HLA-DQB2: variants seen among roughly 807,000 people sequenced by gnomAD.
The protein encoded by HLA-DQB2 is major histocompatibility complex, class II, DQ beta 2, also known as HLA class II histocompatibility antigen, DQ beta 2 chain.
HLA-DQB2 carries 24 observed loss-of-function variants against 29.2 expected under a neutral mutation model. The observed-to-expected ratio is 0.82, with a 90% confidence interval of 0.60 to 1.16. The LOEUF is 1.16. HLA-DQB2 is among the 50% of genes most tolerant of loss of function. HLA-DQB2 has a pLI of 0.00. For synonymous variants in HLA-DQB2, 104 were observed against 133.1 expected, an observed-to-expected ratio of 0.78 and a Z score of 1.51; for missense variants, 273 against 343.6, an observed-to-expected ratio of 0.79 and a Z score of 1.62.
rs73402866 is a variant in HLA-DQB2 at position 32,758,566 on chromosome 6, T to C, written c.646+284A>G. Among the ~76,000 whole-genome samples the C allele has an allele frequency of 3.0e-3, 452 of 152,330 alleles. 2 individuals carry two copies. Among genetic ancestry groups the C allele is most frequent in the African/African-American group, 0.01 (429 of 41,584 alleles). ...TTTATAGTGGAGTGAGAAGAGCCAA[T>C]TAAACCTCTTTTCTTTATAAATTAC... On this transcript the variant is annotated intron_variant, in intron 3 of 5. Coordinates refer to ENST00000437316, the MANE Select transcript of HLA-DQB2 (RefSeq NM_001300790.2).
Position 32,757,812 on chromosome 6 carries a change from G to T in HLA-DQB2, c.718C>A (p.Leu240Ile), listed in dbSNP as rs1318300708. 1 of 1,613,876 alleles carries T rather than the reference G, an allele frequency of 6.2e-7. No homozygotes were observed. Among genetic ancestry groups the T allele is most frequent in the South Asian group, 1.1e-5 (1 of 91,026 alleles). Residue 240 changes from leucine to isoleucine, a missense_variant, in exon 4 of 6, where the codon CTC becomes ATC. Physicochemically the swap from Leu to Ile is conservative, Grantham distance 5 (BLOSUM62 2). Coordinates refer to ENST00000437316, the MANE Select transcript of HLA-DQB2 (RefSeq NM_001300790.2). ...TGACGGATGATAAGGCCCAGCCCGA[G>T]GAAGATCAGCCCCAGCACGAAGCCT... ...IGGFVLGLIF[L>I]GLGLIIRHRG...
chr6:32,757,037 T>TTTTTA, intron 5 of HLA-DQB2: 1 of 1,380,584 alleles, frequency 7.2e-7, no homozygotes. Context: ...TTTTTTTTTT[T>TTTTTA]GAGACAGACT....
chr6:32,757,155 G>A (rs1205932067), intron 5 of HLA-DQB2, 126 bp downstream of exon 5: 3 of 1,493,818 alleles, frequency 2.0e-6, no homozygotes, highest in Admixed American at 4.0e-5. Context: ...AAGTAGCCGG[G>A]ATTACAGATG....
rs764317349 is a variant in HLA-DQB2 at position 32,761,917 on chromosome 6, A to G, written c.107T>C (p.Leu36Ser). Residue 36 changes from leucine (L) to serine (S), a missense_variant, in exon 2 of 6, where the codon TTG becomes TCG. Transcript: ENST00000437316. The part of the protein sequence containing the change: ...AEARDFPKDF[L>S]VQFKGMCYFT... ...GTAGCACATGCCCTTAAACTGGACC[A>G]AGAAATCCTCTGCGGAGAATCACGG... The G allele has an allele frequency of 5.0e-6, 8 of 1,610,658 alleles. No homozygotes were observed. Among genetic ancestry groups the G allele is most frequent in the Non-Finnish European group, 1.7e-6 (2 of 1,178,804 alleles).
rs762815 is a variant in HLA-DQB2, at chr6:32,761,865, G to A, written c.159C>T (p.Arg53=). ...GGTTATAGATGTATCTGGCCACACC[G>A]CGCACGCGCTCTGTCCCGTTGGTGA... The part of the protein sequence containing the change: ...CYFTNGTERV[R]GVARYIYNRE... Residue 53 remains arginine, a synonymous_variant, in exon 2 of 6, where the codon CGC becomes CGT. Coordinates refer to ENST00000437316, the MANE Select transcript of HLA-DQB2 (RefSeq NM_001300790.2). 1.5e-4 allele frequency: 237 copies of A among 1,586,246 alleles called. No homozygotes were observed. Among genetic ancestry groups the A allele is most frequent in the African/African-American group, 8.9e-4 (64 of 71,708 alleles).
At position 32,756,823 on chromosome 6, in the gene HLA-DQB2, C is replaced by T. The variant is rs559815841; in HGVS notation, c.782-357G>A. On this transcript the variant is annotated intron_variant, in intron 5 of 5. Coordinates refer to ENST00000437316, the MANE Select transcript of HLA-DQB2 (RefSeq NM_001300790.2). ...AAAATGTGGCACAAAGTGGGCATCA[C>T]CCTACTATCTCACATTCAAGATGTG... The T allele has an allele frequency of 7.2e-4, 865 of 1,204,786 alleles. 2 individuals carry two copies. Among genetic ancestry groups the T allele is most frequent in the Non-Finnish European group, 8.7e-4 (840 of 969,886 alleles). 74.6% of individuals were successfully genotyped at this position (1,204,786 alleles called of 1,614,324 possible).
intron 2 of HLA-DQB2, 131 bp downstream of exon 2, chr6:32,761,529 C>T: frequency 9.4e-7 from 1 of 1,060,440 alleles, no homozygotes; most frequent in African/African-American, 1.6e-5. Flanking sequence ...CCTCCAAATC[C>T]CCGCCACCTT....
chr6:32,763,065 T>C (rs1764989898), intron 1 of HLA-DQB2, among the ~76,000 whole-genome samples: 1 of 151,564 alleles, frequency 6.6e-6, no homozygotes, highest in Admixed American at 6.6e-5. Flanking sequence ...ATGCATATCT[T>C]TGGGGAAATG....
At chr6:32,762,429 A>G (rs1170620049) in intron 1 of HLA-DQB2, among the ~76,000 whole-genome samples, 1 of 147,172 alleles carries the variant, frequency 6.8e-6, no homozygotes, top group African/African-American at 2.5e-5. Flanking sequence ...GAGACCAAGT[A>G]AACCCATGCC....
chr6:32,757,709 A>T (rs1764382854), intron 4 of HLA-DQB2, 64 bp downstream of exon 4: 1 of 1,383,630 alleles, frequency 7.2e-7, no homozygotes, highest in African/African-American at 1.5e-5. Flanking sequence ...TAGAGACAGA[A>T]CCTCTCTGAA....
At chr6:32,760,009 T>G (rs1764639957) in intron 2 of HLA-DQB2, among the ~76,000 whole-genome samples, 1 of 152,022 alleles carries the variant, frequency 6.6e-6, no homozygotes, top group Admixed American at 6.6e-5. Context: ...ATGTGGGGAC[T>G]TACAAGATTT....
intron 2 of HLA-DQB2, 143 bp from the exon 3 acceptor site, chr6:32,759,274 A>G: frequency 3.9e-6 from 4 of 1,029,522 alleles, no homozygotes; most frequent in Non-Finnish European, 2.7e-6. Context: ...CCTTCAACAA[A>G]TATAAATTTG....
chr6:32,758,370 G>A (rs1217882027), intron 3 of HLA-DQB2, among the ~76,000 whole-genome samples: 1 of 152,036 alleles, frequency 6.6e-6, no homozygotes, highest in African/African-American at 2.4e-5. Flanking sequence ...TCTCTCTCAT[G>A]CTCCTGCCCC....
chr6:32,761,984 A>AG, intron 1 of HLA-DQB2, 58 bp from the exon 2 acceptor site: 1 of 1,562,788 alleles, frequency 6.4e-7, no homozygotes, highest in South Asian at 1.2e-5. Context: ...CCCAGCCCCC[A>AG]GCCGGACCGC....
intron 2 of HLA-DQB2, among the ~76,000 whole-genome samples, chr6:32,760,766 C>T (rs1355723447): frequency 6.7e-6 from 1 of 148,308 alleles, no homozygotes; most frequent in East Asian, 2.0e-4. Flanking sequence ...TGCCTTATAA[C>T]ACCATTCAAG....
intron 3 of HLA-DQB2, 67 bp downstream of exon 3, chr6:32,758,783 G>A: frequency 1.9e-6 from 3 of 1,543,018 alleles, no homozygotes; most frequent in African/African-American, 2.7e-5. Context: ...GGGATGGGAA[G>A]GATCAGCGGG....
At chr6:32,760,286 A>T (rs947826902) in intron 2 of HLA-DQB2, among the ~76,000 whole-genome samples, 3 of 151,908 alleles carry the variant, frequency 2.0e-5, no homozygotes, top group Non-Finnish European at 2.9e-5. Context: ...GCAGGAATAG[A>T]CCCATTGCTG....
chr6:32,756,474 A>G lies in HLA-DQB2; in HGVS notation c.782-8T>C, dbSNP rs766312327. The G allele has an allele frequency of 1.1e-5, 17 of 1,573,398 alleles. 1 individual carries two copies. The highest frequency in any genetic ancestry group is 1.5e-5 in the Non-Finnish European group (17 of 1,153,878). ...GGAGTCAGTGCAGGAGTCCTGGAGA[A>G]GAGAGACGAGGCATGATCAGCACAG... On this transcript the variant is annotated splice_polypyrimidine_tract_variant and splice_region_variant and intron_variant, in intron 5 of 5. Coordinates refer to ENST00000437316, the MANE Select transcript of HLA-DQB2 (RefSeq NM_001300790.2).
At chr6:32,756,915 T>C in intron 5 of HLA-DQB2, 1 of 1,202,244 alleles carries the variant, frequency 8.3e-7, no homozygotes, top group Non-Finnish European at 1.0e-6. Context: ...AAACAATCTC[T>C]GGAGATTCGT....
Sources: gnomAD v4.1 joint callset for allele counts (sites outside exome capture counted in the v4.1 genomes callset) on GRCh38, gnomAD v4.1.1 for gene constraint, MANE v1.5 for transcripts, NCBI Gene and HGNC (gene_info 2026-07-23, HGNC 2026-07-21) for gene names.